Variants in VSIR observed in about 807,000 individuals in gnomAD.
The protein encoded by VSIR is V-set immunoregulatory receptor.
In VSIR, 10 loss-of-function variants were observed where a neutral mutation model predicts 31.0. That is an observed-to-expected ratio of 0.32 (90% CI 0.20 to 0.55). The LOEUF is 0.55. Ranked by LOEUF, VSIR falls within the 20% of genes least tolerant of loss-of-function variation. The pLI is 0.93. For synonymous variants in VSIR, 179 were observed against 180.1 expected (o/e 0.99, Z 0.05); for missense variants, 356 against 416.2 (o/e 0.86, Z 1.26).
intron 1 of VSIR, among the ~76,000 whole-genome samples, chr10:71,765,854 AGGAGAG>A (rs1436679743): frequency 6.6e-6 from 1 of 152,134 alleles, no homozygotes; most frequent in Non-Finnish European, 1.5e-5. Context: ...AGGGCCAGAC[AGGAGAG>A]GGTCCAGGAC....
intron 3 of VSIR, among the ~76,000 whole-genome samples, chr10:71,757,383 C>G (rs1840176428): frequency 6.6e-6 from 1 of 152,194 alleles, no homozygotes; most frequent in Non-Finnish European, 1.5e-5. Flanking sequence ...CTGAGGCTTC[C>G]TTACGATCTG....
chr10:71,763,726 C>A (rs1004775561), intron 1 of VSIR, among the ~76,000 whole-genome samples: 31 of 152,324 alleles, frequency 2.0e-4, no homozygotes, highest in African/African-American at 7.2e-4. Context: ...ATGAAGTGTT[C>A]TGTAAGTGCC....
At chr10:71,769,695 G>T (rs536025171) in intron 1 of VSIR, among the ~76,000 whole-genome samples, 35 of 152,318 alleles carry the variant, frequency 2.3e-4, no homozygotes, top group Admixed American at 1.2e-3. Context: ...AACAGCAGAG[G>T]CAGGGTTTGA....
At position 71,751,713 on chromosome 10, in the gene VSIR, G is replaced by T. The variant is rs1237696113; in HGVS notation, c.853C>A (p.Pro285Thr). The change falls in exon 6 of 7, where the codon CCC becomes ACC. Residue 285 changes from proline (P) to threonine (T), a missense_variant. Pro to Thr is a conservative substitution (Grantham distance 38). Around this residue, in one of 2 missense-constraint regions of VSIR, gnomAD observed 190 missense variants for 185.2 expected, o/e 1.03. Coordinates refer to ENST00000394957, the MANE Select transcript of VSIR (RefSeq NM_022153.2). The surrounding 1 kb of genome is among the most constrained non-coding windows in gnomAD (Gnocchi z 4.9). ...GRHLLSEPSTPLSPPGPGDVF... is the reference protein window; with the variant it reads ...GRHLLSEPSTTLSPPGPGDVF... Reference sequence around the variant, plus strand: ...TCTCCGGGGCCTGGAGGAGACAGGGGGGTGCTGGGCTCCGAAAGCAGATGC... The same window carrying T: ...TCTCCGGGGCCTGGAGGAGACAGGGTGGTGCTGGGCTCCGAAAGCAGATGC... 2 of 1,572,950 alleles carry T rather than the reference G, an allele frequency of 1.3e-6. No individual in the cohort carries two copies. The highest frequency in any genetic ancestry group is 1.9e-5 in the Admixed American group (1 of 52,700).
chr10:71,768,956 C>A (rs771306760), intron 1 of VSIR, among the ~76,000 whole-genome samples: 39 of 152,172 alleles, frequency 2.6e-4, no homozygotes, highest in Admixed American at 5.2e-4. Flanking sequence ...AGGTAGTCAG[C>A]CTCTGGAGGT....
Position 71,761,652 on chromosome 10 carries a change from G to A in VSIR, c.457C>T (p.His153Tyr). The part of the protein sequence containing the change: ...LYCCLVVEIR[H>Y]HHSEHRVHGA... The stretch of plus-strand genomic sequence containing the variant: ...TGGACCCTGTGCTCCGAGTGGTGGT[G>A]CCTGATCTCCACCACCAGGCAGCAG... The change falls in exon 2 of 7, where the codon CAC becomes TAC. Residue 153 changes from histidine to tyrosine, a missense_variant. Physicochemically the swap from His to Tyr is moderately conservative, Grantham distance 83. This residue lies in a region of VSIR where 166 missense variants were observed against 231.0 expected (regional missense o/e 0.72). Transcript: ENST00000394957. 2 of 1,612,906 alleles carry A rather than the reference G, an allele frequency of 1.2e-6. No individual in the cohort carries two copies. Among genetic ancestry groups the A allele is most frequent in the Non-Finnish European group, 1.7e-6 (2 of 1,179,612 alleles).
intron 1 of VSIR, 90 bp downstream of exon 1, chr10:71,773,268 G>C: frequency 7.1e-7 from 1 of 1,402,956 alleles, no homozygotes; most frequent in African/African-American, 1.5e-5. Flanking sequence ...GGCTGAGAGG[G>C]CCCCCAGGAC....
chr10:71,749,095 T>G lies in VSIR; in HGVS notation c.*2158A>C, dbSNP rs903190246. ...GCCTGGGGTCTGGCAGCCAAATTCT[T>G]AGAAGTTGTCTCTGCCTCAAGGTCA... On this transcript the variant is annotated 3_prime_UTR_variant, in exon 7 of 7. Transcript: ENST00000394957. 6 of 152,122 alleles carry G rather than the reference T, an allele frequency of 3.9e-5. No individual in the cohort carries two copies. Among genetic ancestry groups the G allele is most frequent in the African/African-American group, 1.4e-4 (6 of 41,396 alleles). 9.4% of individuals were successfully genotyped at this position (152,122 alleles called of 1,614,324 possible).
At position 71,748,976 on chromosome 10, in the gene VSIR, AAG is replaced by A. The variant is rs1223964202; in HGVS notation, c.*2275_*2276del. On this transcript the variant is annotated 3_prime_UTR_variant, in exon 7 of 7. Transcript: ENST00000394957. ...CGTTCAGTTGTAAAAGGGTCCAGAGAAGAGAGGGCAGGGCCGCACCAGAGGAA... is the reference window on the plus strand; with the variant it reads ...CGTTCAGTTGTAAAAGGGTCCAGAGAAGAGGGCAGGGCCGCACCAGAGGAA... The A allele has an allele frequency of 2.0e-5, 3 of 152,664 alleles. No homozygotes were observed. Among genetic ancestry groups the A allele is most frequent in the Admixed American group, 2.0e-4 (3 of 15,292 alleles). 9.5% of individuals were successfully genotyped at this position (152,664 alleles called of 1,614,324 possible).
In VSIR at chr10:71,748,461, C is replaced by T. The variant is rs1839908028; in HGVS notation, c.*2792G>A. 1 of 152,266 alleles carries T rather than the reference C, an allele frequency of 6.6e-6. No individual in the cohort carries two copies. The allele number at this position is 152,266 out of a possible 1,614,324, so 9.4% of individuals were successfully genotyped here. A position where few individuals can be genotyped will look rare whatever the true frequency, so the allele number is the denominator to read the frequency against. On this transcript the variant is annotated 3_prime_UTR_variant, in exon 7 of 7. Transcript: ENST00000394957. ...AGCAGTCCCCGCTGTGTCAGCAAAA[C>T]CCTCCAAATGGTGCTTTCAATTCCA... is the stretch of plus-strand genomic sequence containing the variant.
intron 3 of VSIR, 111 bp from the exon 4 acceptor site, chr10:71,755,577 C>A: frequency 1.0e-6 from 1 of 960,288 alleles, no homozygotes; most frequent in Non-Finnish European, 1.6e-6. Flanking sequence ...CGCCTTTCCC[C>A]AGAGTCCCAC....
rs753876143 is a variant in VSIR at position 71,748,219 on chromosome 10, G to A, written c.*3034C>T. ...CTGCACACTCCCAAGTCCACCCCGC[G>A]AGGAGCACCCCCTGAAAAAGGCCAT... On this transcript the variant is annotated 3_prime_UTR_variant, in exon 7 of 7. Coordinates refer to ENST00000394957, the MANE Select transcript of VSIR (RefSeq NM_022153.2). 10 of 152,360 alleles carry A rather than the reference G, an allele frequency of 6.6e-5. No homozygotes were observed. Among genetic ancestry groups the A allele is most frequent in the East Asian group, 1.9e-4 (1 of 5,190 alleles). 9.4% of individuals were successfully genotyped at this position (152,360 alleles called of 1,614,324 possible).
At chr10:71,754,390 T>C (rs534533626) in intron 4 of VSIR, among the ~76,000 whole-genome samples, 28 of 151,952 alleles carry the variant, frequency 1.8e-4, no homozygotes, top group African/African-American at 6.0e-4. Flanking sequence ...CCACAGGAAA[T>C]AAGTTGCGAG....
Position 71,747,845 on chromosome 10 carries a change from C to A in VSIR, c.*3408G>T, listed in dbSNP as rs532971328. 1 of 152,264 alleles carries A rather than the reference C, an allele frequency of 6.6e-6. No homozygotes were observed. 9.4% of individuals were successfully genotyped at this position (152,264 alleles called of 1,614,324 possible). On this transcript the variant is annotated 3_prime_UTR_variant, in exon 7 of 7. Coordinates refer to ENST00000394957, the MANE Select transcript of VSIR (RefSeq NM_022153.2). ...CAAGCTATATTGATCATTCAGAATC[C>A]CTCTCAACACATTCCAGGATAGTTA...
intron 3 of VSIR, among the ~76,000 whole-genome samples, chr10:71,757,938 C>T (rs922122143): frequency 1.3e-5 from 2 of 152,184 alleles, no homozygotes; most frequent in African/African-American, 4.8e-5. Flanking sequence ...GCTCCTTGGG[C>T]ACCAACTTCT....
At position 71,759,846 on chromosome 10, in the gene VSIR, C is replaced by CACACACACATACACACACACACACACAT. The variant is rs776230069; in HGVS notation, c.568+1021_568+1022insATGTGTGTGTGTGTGTGTATGTGTGTGT. Among the ~76,000 whole-genome samples the CACACACACATACACACACACACACACAT allele has an allele frequency of 2.0e-4, 12 of 59,960 alleles. 1 individual carries two copies. Among genetic ancestry groups the CACACACACATACACACACACACACACAT allele is most frequent in the African/African-American group, 7.2e-4 (12 of 16,700 alleles). 39.3% of individuals were successfully genotyped at this position (59,960 alleles called of 152,430 possible). On this transcript the variant is annotated intron_variant, in intron 3 of 6. Coordinates refer to ENST00000394957, the MANE Select transcript of VSIR (RefSeq NM_022153.2). ...ACACACACACACACACACACACACA[C>CACACACACATACACACACACACACACAT]ATATACACACACACACACATATATA...
rs771183134 is a variant in VSIR, at chr10:71,748,944, C to A, written c.*2309G>T. The stretch of plus-strand genomic sequence containing the variant: ...CGCTGAAAACAGGAAACCACGAAGC[C>A]CAGATGCGTTCAGTTGTAAAAGGGT... On this transcript the variant is annotated 3_prime_UTR_variant, in exon 7 of 7. Transcript: ENST00000394957. 6.5e-6 allele frequency: 1 copy of A among 152,894 alleles called. No homozygotes were observed. The highest frequency in any genetic ancestry group is 1.5e-5 in the Non-Finnish European group (1 of 68,248). The allele number at this position is 152,894 out of a possible 1,614,324, so 9.5% of individuals were successfully genotyped here. A position where few individuals can be genotyped will look rare whatever the true frequency, so the allele number is the denominator to read the frequency against.
In VSIR at chr10:71,760,898, C is replaced by T. The variant is rs1158994709; in HGVS notation, c.538G>A (p.Val180Met). The T allele has an allele frequency of 1.9e-6, 3 of 1,613,682 alleles. No individual in the cohort carries two copies. Among genetic ancestry groups the T allele is most frequent in the Non-Finnish European group, 1.7e-6 (2 of 1,179,746 alleles). The change falls in exon 3 of 7, where the codon GTG becomes ATG. Residue 180 changes from valine (V) to methionine (M), a missense_variant. Physicochemically the swap from Val to Met is conservative, Grantham distance 21. Transcript: ENST00000394957. Reference protein sequence around the residue: ...TGKDAPSNCVVYPSSSQDSEN... With the variant: ...TGKDAPSNCVMYPSSSQDSEN... ...CTATCCTGGGAGGAGGATGGGTACA[C>T]CACACAGTTGGATGGTGCATCTTTG...
In VSIR at chr10:71,760,247, G is replaced by A. The variant is rs866501217; in HGVS notation, c.568+621C>T. ...TATATATATGTATATACATATATAT[G>A]TATGTATATATATGTATATACATAT... On this transcript the variant is annotated intron_variant, in intron 3 of 6. Transcript: ENST00000394957. 3.2e-4 allele frequency among the ~76,000 whole-genome samples: 4 copies of A among 12,406 alleles called. 1 individual carries two copies. The highest frequency in any genetic ancestry group is 6.0e-4 in the Non-Finnish European group (2 of 3,354). The allele number at this position is 12,406 out of a possible 152,430, so 8.1% of individuals were successfully genotyped here. A position where few individuals can be genotyped will look rare whatever the true frequency, so the allele number is the denominator to read the frequency against.
Sources: allele counts gnomAD v4.1 joint callset (sites outside exome capture counted in the v4.1 genomes callset), GRCh38; gene constraint gnomAD v4.1.1; regional missense constraint gnomAD v4.1.1; non-coding constraint Gnocchi (gnomAD v3.1); transcripts MANE v1.5; gene names NCBI Gene and HGNC (gene_info 2026-07-23, HGNC 2026-07-21).